The following TMEM117 variants were observed in gnomAD, a reference collection of about 807,000 sequenced individuals.
TMEM117 encodes the protein transmembrane protein 117.
A neutral mutation model predicts 52.4 loss-of-function variants in TMEM117; 27 were observed. That is an observed-to-expected ratio of 0.51 (90% CI 0.38 to 0.71). The LOEUF (loss-of-function observed/expected upper bound fraction) is 0.71, where lower values mean the gene tolerates loss of function less well. Among genes scored for constraint, TMEM117 ranks in the 30% least tolerant of loss-of-function variants. The probability of loss-of-function intolerance (pLI) is 0.00; values close to 1 mark genes in which losing one functional copy is unlikely to be tolerated. For synonymous variants in TMEM117, 215 were observed against 206.3 expected, an observed-to-expected ratio of 1.04 and a Z score of -0.36; for missense variants, 556 against 630.5, an observed-to-expected ratio of 0.88 and a Z score of 1.26.
At chr12:43,798,708 T>G in the TMEM117 span, 1 of 1,074,422 alleles carries the variant, frequency 9.3e-7, no homozygotes. Flanking sequence ...AGTTTAATAT[T>G]AAATGATATT....
At chr12:44,063,562 C>CA (rs1224892562) in intron 3 of TMEM117, among the ~76,000 whole-genome samples, 1 of 151,758 alleles carries the variant, frequency 6.6e-6, no homozygotes, top group East Asian at 1.9e-4. Flanking sequence ...TGGTGTGCTG[C>CA]ACCCATTAAC....
intron 6 of TMEM117, among the ~76,000 whole-genome samples, chr12:44,365,564 C>T (rs1329373345): frequency 1.3e-5 from 2 of 152,022 alleles, no homozygotes; most frequent in African/African-American, 4.8e-5. Context: ...TATTTAACTG[C>T]TCTGTGAGCC....
At chr12:44,090,022 TTA>T (rs1216369905) in intron 3 of TMEM117, among the ~76,000 whole-genome samples, 2 of 152,212 alleles carry the variant, frequency 1.3e-5, no homozygotes, top group African/African-American at 4.8e-5. Flanking sequence ...TCTTATTGTC[TTA>T]TGTGTTTATC....
At chr12:44,172,151 G>A (rs1054470589) in intron 4 of TMEM117, among the ~76,000 whole-genome samples, 1 of 152,142 alleles carries the variant, frequency 6.6e-6, no homozygotes, top group Non-Finnish European at 1.5e-5. Flanking sequence ...ATTTTTCATG[G>A]GTTCTTTTAG....
chr12:43,903,487 C>T lies in TMEM117; in HGVS notation c.278-40723C>T, dbSNP rs77806542. On this transcript the variant is annotated intron_variant, in intron 2 of 7. Transcript: ENST00000266534. ...TTGTTAGAATGATTTTTATGTGTTGCATTAATAATTTACATTCAATTTCAT... is the reference window on the plus strand; with the variant it reads ...TTGTTAGAATGATTTTTATGTGTTGTATTAATAATTTACATTCAATTTCAT... 8.0e-3 allele frequency among the ~76,000 whole-genome samples: 1,222 copies of T among 152,182 alleles called. 25 individuals are homozygous for T. Among genetic ancestry groups the T allele is most frequent in the African/African-American group, 0.027 (1,140 of 41,516 alleles).
At chr12:43,947,370 A>G (rs7139062) in intron 3 of TMEM117, among the ~76,000 whole-genome samples, 4,549 of 152,260 alleles carry the variant, frequency 0.03, 213 homozygotes, top group African/African-American at 0.1. Flanking sequence ...TTAAATCACC[A>G]TTTATAAAAG....
intron 2 of TMEM117, among the ~76,000 whole-genome samples, chr12:43,923,581 C>G (rs548043926): frequency 6.6e-6 from 1 of 152,164 alleles, no homozygotes; most frequent in Non-Finnish European, 1.5e-5. Context: ...ATAACTATTT[C>G]TAAGACTGTA....
chr12:43,917,565 T>C (rs1486220243), intron 2 of TMEM117, among the ~76,000 whole-genome samples: 2 of 152,170 alleles, frequency 1.3e-5, no homozygotes, highest in African/African-American at 2.4e-5. Flanking sequence ...GAATTAAGCC[T>C]CAGCCATCTG....
intron 4 of TMEM117, among the ~76,000 whole-genome samples, chr12:44,152,989 G>A (rs1948776433): frequency 6.6e-6 from 1 of 150,922 alleles, no homozygotes; most frequent in Non-Finnish European, 1.5e-5. Flanking sequence ...TGGTGGGCCT[G>A]CAGGAGGTGC....
intron 3 of TMEM117, among the ~76,000 whole-genome samples, chr12:44,056,174 A>T (rs942772272): frequency 6.6e-6 from 1 of 152,090 alleles, no homozygotes. Context: ...ATCATAGCTT[A>T]CTGCAGCCTT....
chr12:44,184,894 A>C (rs1010332122), intron 4 of TMEM117, among the ~76,000 whole-genome samples: 2 of 152,192 alleles, frequency 1.3e-5, no homozygotes, highest in Non-Finnish European at 2.9e-5. Flanking sequence ...TCTCAAACAT[A>C]TGTAAGCATA....
intron 5 of TMEM117, among the ~76,000 whole-genome samples, chr12:44,234,304 T>C (rs1377995109): frequency 1.3e-5 from 2 of 151,482 alleles, no homozygotes; most frequent in East Asian, 3.8e-4. Context: ...AGTCATATTC[T>C]ATTTCTGTCT....
At chr12:44,006,517 C>G (rs906107302) in intron 3 of TMEM117, among the ~76,000 whole-genome samples, 2 of 152,160 alleles carry the variant, frequency 1.3e-5, no homozygotes, top group African/African-American at 4.8e-5. Flanking sequence ...GCTTTTAATA[C>G]TGTCTCTAAT....
the TMEM117 span, among the ~76,000 whole-genome samples, chr12:43,806,907 A>G: frequency 6.6e-6 from 1 of 152,222 alleles, no homozygotes; most frequent in Non-Finnish European, 1.5e-5. Context: ...ACAGCCACTA[A>G]GAGATTAGCT....
At chr12:44,364,313 G>A (rs1951761876) in intron 6 of TMEM117, among the ~76,000 whole-genome samples, 1 of 151,908 alleles carries the variant, frequency 6.6e-6, no homozygotes, top group Non-Finnish European at 1.5e-5. Flanking sequence ...ATTATACTGA[G>A]GTAGCATAAA....
chr12:43,878,219 C>G (rs57066844), intron 2 of TMEM117, among the ~76,000 whole-genome samples: 9,265 of 152,076 alleles, frequency 0.061, 350 homozygotes, highest in Middle Eastern at 0.13. Flanking sequence ...CTGTAGTTCT[C>G]GGAGGAATTT....
chr12:44,077,081 A>G (rs1159679798), intron 3 of TMEM117, among the ~76,000 whole-genome samples: 1 of 152,182 alleles, frequency 6.6e-6, no homozygotes, highest in African/African-American at 2.4e-5. Context: ...AGACATTACA[A>G]CAAGTTCCTG....
At chr12:44,021,848 TG>T (rs1372273155) in intron 3 of TMEM117, among the ~76,000 whole-genome samples, 1 of 152,204 alleles carries the variant, frequency 6.6e-6, no homozygotes, top group African/African-American at 2.4e-5. Flanking sequence ...GAAGTACTCT[TG>T]CTGGGAGGAA....
intron 6 of TMEM117, among the ~76,000 whole-genome samples, chr12:44,361,359 A>T (rs1304110679): frequency 6.6e-6 from 1 of 152,186 alleles, no homozygotes; most frequent in Non-Finnish European, 1.5e-5. Context: ...AGCTTGAATG[A>T]GGAATGTATT....
Sources: gnomAD v4.1 joint callset for allele counts (sites outside exome capture counted in the v4.1 genomes callset) on GRCh38, gnomAD v4.1.1 for gene constraint, MANE v1.5 for transcripts, NCBI Gene and HGNC (gene_info 2026-07-23, HGNC 2026-07-21) for gene names.